The following NRG2 variants were observed in gnomAD, a reference collection of about 807,000 sequenced individuals.
The protein encoded by NRG2 is neuregulin 2, also known as pro-neuregulin-2, membrane-bound isoform.
A neutral mutation model predicts 73.9 loss-of-function variants in NRG2; 27 were observed. The observed-to-expected ratio is 0.37, with a 90% confidence interval of 0.27 to 0.50. NRG2 has a LOEUF of 0.50. NRG2 is among the 20% of genes least tolerant of loss of function. The probability of loss-of-function intolerance (pLI) is 0.96; values close to 1 mark genes in which losing one functional copy is unlikely to be tolerated. For synonymous variants in NRG2, 532 were observed against 541.0 expected, an observed-to-expected ratio of 0.98 and a Z score of 0.23; for missense variants, 1,126 against 1,210.1, an observed-to-expected ratio of 0.93 and a Z score of 1.03.
intron 1 of NRG2, among the ~76,000 whole-genome samples, chr5:139,970,448 G>A (rs576426813): frequency 4.8e-4 from 72 of 150,734 alleles, no homozygotes; most frequent in African/African-American, 1.8e-3. Flanking sequence ...TCCACTGGAG[G>A]GGCCCTCAAG....
Position 139,865,652 on chromosome 5 carries a change from C to T in NRG2, c.1113-27G>A. 6.3e-7 allele frequency: 1 copy of T among 1,581,370 alleles called. No individual in the cohort carries two copies. The highest frequency in any genetic ancestry group is 8.6e-7 in the Non-Finnish European group (1 of 1,158,604). ...TGGAGAAGGAAAAGGGGAAAAATCA[C>T]AGAACAAACTGGCATCATCCGCGAG... is the stretch of plus-strand genomic sequence containing the variant. On this transcript the variant is annotated intron_variant, in intron 4 of 9. Coordinates refer to ENST00000361474, the MANE Select transcript of NRG2 (RefSeq NM_004883.3). The surrounding 1 kb of genome is among the most constrained non-coding windows in gnomAD (Gnocchi z 5.2).
chr5:139,860,629 G>A (rs1762092444), intron 5 of NRG2, among the ~76,000 whole-genome samples: 1 of 152,168 alleles, frequency 6.6e-6, no homozygotes, highest in South Asian at 2.1e-4. Flanking sequence ...ACCCAGAAGA[G>A]CAAACTGCAA....
At position 139,938,953 on chromosome 5, in the gene NRG2, GA is replaced by G. The variant is rs1561694111; in HGVS notation, c.701-51443del. 1.5e-3 allele frequency among the ~76,000 whole-genome samples: 153 copies of G among 105,246 alleles called. 1 individual carries two copies. The highest frequency in any genetic ancestry group is 0.012 in the Middle Eastern group (2 of 168). 69.0% of individuals were successfully genotyped at this position (105,246 alleles called of 152,430 possible). On this transcript the variant is annotated intron_variant, in intron 1 of 9. Transcript: ENST00000361474. Reference sequence around the variant, plus strand: ...AGAAAGAAAGAAAGAAAGAAAGAAAGAAAGAAAAAAGAAGGAAGGAAGGGAA... The same window carrying G: ...AGAAAGAAAGAAAGAAAGAAAGAAAGAAGAAAAAAGAAGGAAGGAAGGGAA...
At chr5:139,871,890 G>GGCCCC (rs1434595656) in intron 3 of NRG2, 49 bp from the exon 4 acceptor site, 2 of 1,594,934 alleles carry the variant, frequency 1.3e-6, no homozygotes, top group Non-Finnish European at 8.6e-7. Context: ...ACTATCCCTA[G>GGCCCC]GCCCCAGGAA....
rs3082489 is a variant in NRG2 at position 139,876,925 on chromosome 5, C to CTGTGTGTGTGTGTG, written c.991+3917_991+3930dup. 2.3e-4 allele frequency among the ~76,000 whole-genome samples: 32 copies of CTGTGTGTGTGTGTG among 142,008 alleles called. No homozygotes were observed. In the South Asian group the frequency reaches 2.4e-3, roughly 11 times the overall value. 93.2% of individuals were successfully genotyped at this position (142,008 alleles called of 152,430 possible). ...ATGCGTGACTGACATGAATGTGCAT[C>CTGTGTGTGTGTGTG]TGTGTGTGTGTGTGTGTGTGTGTGT... On this transcript the variant is annotated intron_variant, in intron 3 of 9. Transcript: ENST00000361474.
intron 1 of NRG2, among the ~76,000 whole-genome samples, chr5:139,909,180 T>TA (rs1222909000): frequency 6.6e-6 from 1 of 152,248 alleles, no homozygotes; most frequent in Non-Finnish European, 1.5e-5. Context: ...AATATTTAAC[T>TA]GGCTTACAAA....
chr5:139,896,895 G>A, intron 1 of NRG2, among the ~76,000 whole-genome samples: 1 of 152,178 alleles, frequency 6.6e-6, no homozygotes. Context: ...GATGTCTGTA[G>A]AGAAAGGCCG....
chr5:139,880,328 C>T (rs1194702850), intron 3 of NRG2, among the ~76,000 whole-genome samples: 1 of 152,134 alleles, frequency 6.6e-6, no homozygotes, highest in East Asian at 1.9e-4. Flanking sequence ...AGGTCCTGAC[C>T]TTGCAAGACT....
At chr5:140,034,488 G>A (rs1424893851) in intron 1 of NRG2, among the ~76,000 whole-genome samples, 1 of 152,140 alleles carries the variant, frequency 6.6e-6, no homozygotes, top group Non-Finnish European at 1.5e-5. Flanking sequence ...CCTAGCCAGT[G>A]TAATAAGGCA....
chr5:139,992,382 G>A (rs1757703572), intron 1 of NRG2, among the ~76,000 whole-genome samples: 1 of 152,132 alleles, frequency 6.6e-6, no homozygotes, highest in Non-Finnish European at 1.5e-5. Flanking sequence ...GTTTATCTAT[G>A]TATTGTTTTG....
intron 1 of NRG2, among the ~76,000 whole-genome samples, chr5:140,010,046 C>T (rs1435144133): frequency 6.6e-6 from 1 of 152,038 alleles, no homozygotes; most frequent in East Asian, 1.9e-4. Context: ...ACCTGTAATC[C>T]CAACACTCTG....
At chr5:139,866,207 G>T (rs988894217) in intron 4 of NRG2, among the ~76,000 whole-genome samples, 1 of 152,190 alleles carries the variant, frequency 6.6e-6, no homozygotes, top group Non-Finnish European at 1.5e-5. Context: ...TTCAAAGAGG[G>T]TTCTGTGGCC....
chr5:139,957,001 T>G (rs1011565819), intron 1 of NRG2, among the ~76,000 whole-genome samples: 8 of 152,024 alleles, frequency 5.3e-5, no homozygotes, highest in African/African-American at 1.9e-4. Context: ...CATCAGCACT[T>G]TGAAAGGAAC....
chr5:140,025,525 A>C (rs1422108999), intron 1 of NRG2, among the ~76,000 whole-genome samples: 1 of 152,224 alleles, frequency 6.6e-6, no homozygotes, highest in African/African-American at 2.4e-5. Flanking sequence ...AAAAACAGCC[A>C]TATTCTCCAA....
chr5:140,029,579 G>C (rs1017954680), intron 1 of NRG2, among the ~76,000 whole-genome samples: 1 of 151,560 alleles, frequency 6.6e-6, no homozygotes, highest in Non-Finnish European at 1.5e-5. Flanking sequence ...TTAAAAGTCA[G>C]CTCCAGGCTG....
Position 139,904,037 on chromosome 5 carries a change from C to T in NRG2, c.701-16526G>A, listed in dbSNP as rs946531358. On this transcript the variant is annotated intron_variant, in intron 1 of 9. Coordinates refer to ENST00000361474, the MANE Select transcript of NRG2 (RefSeq NM_004883.3). The surrounding 1 kb of genome is among the most constrained non-coding windows in gnomAD (Gnocchi z 6.0). ...GGGCTGCTCGCCTGCAGGCCGGTAC[C>T]GGCGTGCAGCGCCTCTTGCCCGCCC... is the stretch of plus-strand genomic sequence containing the variant. 6.6e-6 allele frequency among the ~76,000 whole-genome samples: 1 copy of T among 152,196 alleles called. No individual in the cohort carries two copies. The highest frequency in any genetic ancestry group is 2.4e-5 in the African/African-American group (1 of 41,470).
intron 6 of NRG2, 79 bp downstream of exon 6, chr5:139,855,597 G>C (rs958403801): frequency 4.1e-6 from 5 of 1,234,542 alleles, no homozygotes; most frequent in Non-Finnish European, 6.0e-6. Context: ...GGGTGGGGGA[G>C]GAAAGTCTTC....
chr5:139,875,534 A>G (rs1181178319), intron 3 of NRG2, among the ~76,000 whole-genome samples: 2 of 152,242 alleles, frequency 1.3e-5, no homozygotes, highest in African/African-American at 4.8e-5. Context: ...CTAGTCTGGT[A>G]TCCTTGGCTG....
intron 5 of NRG2, chr5:139,864,975 C>T (rs769519995): frequency 7.8e-6 from 6 of 764,398 alleles, no homozygotes; most frequent in African/African-American, 1.7e-5. Context: ...GTGGGGGTGC[C>T]GGGGGTGTTT....
Sources: allele counts gnomAD v4.1 joint callset (sites outside exome capture counted in the v4.1 genomes callset), GRCh38; gene constraint gnomAD v4.1.1; non-coding constraint Gnocchi (gnomAD v3.1); transcripts MANE v1.5; gene names NCBI Gene and HGNC (gene_info 2026-07-23, HGNC 2026-07-21).